The following RBMS3 variants were observed in gnomAD, a reference collection of about 807,000 sequenced individuals.
RBMS3 encodes RNA-binding motif, single-stranded-interacting protein 3.
In RBMS3, 27 loss-of-function variants were observed where a neutral mutation model predicts 66.8. The ratio of observed to expected loss-of-function variants is 0.40; its 90% confidence interval spans 0.30 to 0.56. RBMS3 has a LOEUF of 0.56. Among genes scored for constraint, RBMS3 ranks in the 20% least tolerant of loss-of-function variants. The pLI is 0.40. For missense variants in RBMS3, 513 were observed against 549.5 expected (o/e 0.93, Z 0.66); for synonymous variants, 188 against 183.0 (o/e 1.03, Z -0.22).
At chr3:29,318,661 G>A (rs2125484684) in intron 1 of RBMS3, among the ~76,000 whole-genome samples, 1 of 152,018 alleles carries the variant, frequency 6.6e-6, no homozygotes, top group African/African-American at 2.4e-5. Context: ...TCATGGATTA[G>A]CTTCTTTCCT....
intron 1 of RBMS3, among the ~76,000 whole-genome samples, chr3:29,291,615 A>G (rs1209397785): frequency 6.6e-6 from 1 of 151,804 alleles, no homozygotes; most frequent in Non-Finnish European, 1.5e-5. Flanking sequence ...TACTTATTCT[A>G]TGGCATAATT....
At chr3:29,911,880 T>C (rs79214157) in intron 10 of RBMS3, among the ~76,000 whole-genome samples, 2,333 of 152,142 alleles carry the variant, frequency 0.015, 63 homozygotes, top group African/African-American at 0.052. Flanking sequence ...AAATTTATTC[T>C]TTGGGAATAA....
intron 10 of RBMS3, among the ~76,000 whole-genome samples, chr3:29,910,887 A>C (rs9826941): frequency 0.015 from 2,329 of 152,188 alleles, 62 homozygotes; most frequent in African/African-American, 0.052. Context: ...ACACAAATAC[A>C]AGTAAAATGC....
intron 4 of RBMS3, among the ~76,000 whole-genome samples, chr3:29,637,497 T>C (rs2049519201): frequency 6.6e-6 from 1 of 151,872 alleles, no homozygotes; most frequent in Non-Finnish European, 1.5e-5. Flanking sequence ...TAAAATAGTC[T>C]GATTACAAGA....
At chr3:29,962,567 T>TATATATATATATAA (rs1319441592) in intron 12 of RBMS3, among the ~76,000 whole-genome samples, 50 of 150,884 alleles carry the variant, frequency 3.3e-4, no homozygotes, top group African/African-American at 1.2e-3. Context: ...TATATATATA[T>TATATATATATATAA]AATACCATAC....
chr3:29,785,448 A>G (rs551418028), intron 6 of RBMS3, among the ~76,000 whole-genome samples: 75 of 152,204 alleles, frequency 4.9e-4, no homozygotes, highest in Middle Eastern at 3.4e-3. Context: ...TAAAATTCAT[A>G]TGGAACAAAA....
intron 4 of RBMS3, among the ~76,000 whole-genome samples, chr3:29,734,324 A>G (rs2054281032): frequency 6.6e-6 from 1 of 152,068 alleles, no homozygotes; most frequent in Non-Finnish European, 1.5e-5. Context: ...TAAGTTCTAG[A>G]GTTTTATGGC....
At chr3:29,382,949 T>A (rs1236945145) in intron 1 of RBMS3, among the ~76,000 whole-genome samples, 1 of 152,216 alleles carries the variant, frequency 6.6e-6, no homozygotes. Flanking sequence ...ATATTATGAA[T>A]GACGCCTCTG....
chr3:29,853,854 G>A (rs534150523), intron 6 of RBMS3, among the ~76,000 whole-genome samples: 18 of 152,150 alleles, frequency 1.2e-4, no homozygotes, highest in African/African-American at 3.9e-4. Context: ...TCCACCCCCT[G>A]AAACCTGCCC....
At chr3:29,768,303 T>C in intron 6 of RBMS3, among the ~76,000 whole-genome samples, 1 of 151,942 alleles carries the variant, frequency 6.6e-6, no homozygotes. Context: ...TTTGATATGG[T>C]CAATCAGTTT....
chr3:29,487,831 A>C (rs143522151), intron 2 of RBMS3, among the ~76,000 whole-genome samples: 26 of 152,194 alleles, frequency 1.7e-4, no homozygotes, highest in Non-Finnish European at 3.2e-4. Context: ...CAAAAAGCAC[A>C]TATTACTTAC....
chr3:29,592,557 G>A (rs1206279358), intron 4 of RBMS3, among the ~76,000 whole-genome samples: 2 of 152,168 alleles, frequency 1.3e-5, no homozygotes, highest in Non-Finnish European at 2.9e-5. Context: ...TACACTGTTG[G>A]TGAGACTGTA....
At chr3:29,805,376 T>C in intron 6 of RBMS3, among the ~76,000 whole-genome samples, 1 of 152,214 alleles carries the variant, frequency 6.6e-6, no homozygotes, top group South Asian at 2.1e-4. Flanking sequence ...ACTATACTTT[T>C]TATGGTTATT....
chr3:29,789,218 G>A (rs1020594016), intron 6 of RBMS3, among the ~76,000 whole-genome samples: 1 of 151,734 alleles, frequency 6.6e-6, no homozygotes, highest in Non-Finnish European at 1.5e-5. Flanking sequence ...AACTTGAATG[G>A]CAAAAGAGAA....
intron 2 of RBMS3, among the ~76,000 whole-genome samples, chr3:29,454,936 T>A (rs1237836040): frequency 6.6e-6 from 1 of 152,220 alleles, no homozygotes; most frequent in Non-Finnish European, 1.5e-5. Flanking sequence ...GAGTGTTTTT[T>A]AAAATGTAGC....
chr3:29,824,500 A>G (rs1405842055), intron 6 of RBMS3, among the ~76,000 whole-genome samples: 1 of 152,216 alleles, frequency 6.6e-6, no homozygotes, highest in East Asian at 1.9e-4. Flanking sequence ...AATACAAATC[A>G]GATCACAACT....
At chr3:29,616,230 T>A (rs2048667223) in intron 4 of RBMS3, 1 of 152,352 alleles carries the variant, frequency 6.6e-6, no homozygotes, top group Admixed American at 6.5e-5. Flanking sequence ...CTCACGCCTG[T>A]AATCCCAGCA....
At chr3:29,601,838 A>T (rs1309455375) in intron 4 of RBMS3, among the ~76,000 whole-genome samples, 1 of 152,058 alleles carries the variant, frequency 6.6e-6, no homozygotes, top group Non-Finnish European at 1.5e-5. Context: ...TGAAGTCACC[A>T]AGATAAAACA....
chr3:29,997,072 A>C (rs1419561663), intron 14 of RBMS3, among the ~76,000 whole-genome samples: 1 of 151,684 alleles, frequency 6.6e-6, no homozygotes. Context: ...GCAATAAAAA[A>C]TGATAAAGGG....
Sources: gnomAD v4.1 joint callset for allele counts (sites outside exome capture counted in the v4.1 genomes callset) on GRCh38, gnomAD v4.1.1 for gene constraint, MANE v1.5 for transcripts, NCBI Gene and HGNC (gene_info 2026-07-23, HGNC 2026-07-21) for gene names.